MAOA: variants seen among roughly 807,000 people sequenced by gnomAD.
MAOA encodes amine oxidase [flavin-containing] A.
Under a neutral mutation model 42.0 loss-of-function variants are expected in MAOA, and 6 were observed. The observed-to-expected ratio is 0.14, with a 90% CI of 0.08 to 0.28. MAOA has a LOEUF of 0.28. MAOA is among the 10% of genes least tolerant of loss of function. The probability of loss-of-function intolerance (pLI) is 1.00; values close to 1 mark genes in which losing one functional copy is unlikely to be tolerated. For synonymous variants in MAOA, 140 were observed against 154.0 expected, an observed-to-expected ratio of 0.91 and a Z score of 0.67; for missense variants, 262 against 422.3, an observed-to-expected ratio of 0.62 and a Z score of 3.33.
At chrX:43,725,476 G>A (rs920754903) in intron 5 of MAOA, among the ~76,000 whole-genome samples, 1 of 110,842 alleles carries the variant, frequency 9.0e-6, no homozygotes, top group African/African-American at 3.3e-5. Context: ...TTTTATCAGA[G>A]ACTAAGATTA....
intron 1 of MAOA, among the ~76,000 whole-genome samples, chrX:43,667,874 G>A (rs2033296121): frequency 9.0e-6 from 1 of 111,727 alleles, no homozygotes; most frequent in Non-Finnish European, 1.9e-5. Context: ...TATATACAGG[G>A]AATCTCAACT....
At chrX:43,665,022 A>T (rs958121317) in intron 1 of MAOA, among the ~76,000 whole-genome samples, 3 of 111,600 alleles carry the variant, frequency 2.7e-5, no homozygotes, top group Non-Finnish European at 5.7e-5. Context: ...GATGCATATC[A>T]AAGTTGAAGA....
At chrX:43,656,548 T>A in intron 1 of MAOA, 134 bp downstream of exon 1, 1 of 599,385 alleles carries the variant, frequency 1.7e-6, no homozygotes, top group Admixed American at 2.6e-5. Context: ...TGGCCCCATA[T>A]CCTGCGAGGT....
intron 2 of MAOA, among the ~76,000 whole-genome samples, chrX:43,692,508 A>C (rs2033544778): frequency 9.0e-6 from 1 of 110,725 alleles, no homozygotes; most frequent in South Asian, 3.8e-4. Flanking sequence ...TTTCAAGTGC[A>C]ATGAGTGGCA....
chrX:43,724,278 T>C (rs2033815132), intron 5 of MAOA, among the ~76,000 whole-genome samples: 1 of 111,765 alleles, frequency 8.9e-6, no homozygotes, highest in Non-Finnish European at 1.9e-5. Context: ...CTTGTACCTC[T>C]GGTAGAATTC....
chrX:43,676,145 A>G (rs755721472), intron 1 of MAOA, among the ~76,000 whole-genome samples: 2 of 112,150 alleles, frequency 1.8e-5, no homozygotes, highest in African/African-American at 3.2e-5. Flanking sequence ...AGCCTGGGCA[A>G]TGGCGGGTGC....
At chrX:43,743,314 C>T (rs1236144708) in intron 12 of MAOA, among the ~76,000 whole-genome samples, 2 of 111,118 alleles carry the variant, frequency 1.8e-5, no homozygotes, top group Non-Finnish European at 3.8e-5. Context: ...TCAGGTCTCT[C>T]CTTTGCCAGA....
chrX:43,686,147 C>T (rs2033485809), intron 2 of MAOA, among the ~76,000 whole-genome samples: 1 of 112,124 alleles, frequency 8.9e-6, no homozygotes, highest in Admixed American at 9.5e-5. Context: ...AATATTCCTC[C>T]ACTTTGGAGA....
chrX:43,709,926 G>A (rs186196387), intron 3 of MAOA, among the ~76,000 whole-genome samples: 1 of 112,019 alleles, frequency 8.9e-6, no homozygotes. Flanking sequence ...ACATTTCAAA[G>A]TTCTCTTTCT....
chrX:43,714,682 G>A (rs995322389), intron 5 of MAOA, among the ~76,000 whole-genome samples: 2 of 108,125 alleles, frequency 1.8e-5, no homozygotes, highest in African/African-American at 6.8e-5. Context: ...ACAGTGTTAG[G>A]GAGTGGGGAA....
At chrX:43,710,090 C>T (rs2033688621) in intron 3 of MAOA, among the ~76,000 whole-genome samples, 1 of 112,380 alleles carries the variant, frequency 8.9e-6, no homozygotes, top group Admixed American at 9.4e-5. Flanking sequence ...GCTACTGCCG[C>T]TGGGCTTTAG....
At position 43,735,924 on chromosome X, in the gene MAOA, T is replaced by C. The variant is rs781162596; in HGVS notation, c.1053-303T>C. 6.2e-5 allele frequency among the ~76,000 whole-genome samples: 7 copies of C among 113,091 alleles called. No homozygotes were observed. In the South Asian group the frequency reaches 2.2e-3, roughly 35 times the overall value. On this transcript the variant is annotated intron_variant, in intron 9 of 14. Coordinates refer to ENST00000338702, the MANE Select transcript of MAOA (RefSeq NM_000240.4). ...GCAACAGTCATTACCAGAATAATCA[T>C]TTAGCACAACATTCATTCATTCAAC...
At chrX:43,715,963 G>A (rs371175442) in intron 5 of MAOA, among the ~76,000 whole-genome samples, 1 of 109,859 alleles carries the variant, frequency 9.1e-6, no homozygotes, top group African/African-American at 3.3e-5. Context: ...TGAGCCACAC[G>A]GTTGGTGGCG....
intron 1 of MAOA, among the ~76,000 whole-genome samples, chrX:43,679,027 C>T (rs2033422601): frequency 9.0e-6 from 1 of 111,476 alleles, no homozygotes; most frequent in African/African-American, 3.3e-5. Flanking sequence ...TAACTTAAAC[C>T]TTAACCCTTC....
chrX:43,701,668 A>G (rs753264267), intron 3 of MAOA, among the ~76,000 whole-genome samples: 2 of 111,977 alleles, frequency 1.8e-5, no homozygotes, highest in South Asian at 7.5e-4. Context: ...TAAGTCAGAC[A>G]CAAAGGATTT....
chrX:43,741,044 G>C (rs1392051248), intron 11 of MAOA, among the ~76,000 whole-genome samples: 1 of 111,484 alleles, frequency 9.0e-6, no homozygotes, highest in Non-Finnish European at 1.9e-5. Context: ...TCCTAGAACA[G>C]AAGTCCTGCC....
At chrX:43,714,603 C>T (rs1276226192) in intron 5 of MAOA, among the ~76,000 whole-genome samples, 2 of 109,650 alleles carry the variant, frequency 1.8e-5, no homozygotes, top group African/African-American at 6.7e-5. Flanking sequence ...CAGAAATGAG[C>T]CACAAAGGCA....
chrX:43,740,452 T>C (rs2033951369), intron 10 of MAOA, among the ~76,000 whole-genome samples: 1 of 111,905 alleles, frequency 8.9e-6, no homozygotes, highest in South Asian at 3.7e-4. Flanking sequence ...AAAAGAATAA[T>C]TCCATTGAAT....
At position 43,742,065 on chromosome X, in the gene MAOA, C is replaced by T. The variant is rs372784589; in HGVS notation, c.1262+18C>T. 3.9e-5 allele frequency: 47 copies of T among 1,209,107 alleles called. No homozygotes were observed. The highest frequency in any genetic ancestry group is 2.3e-4 in the Middle Eastern group (1 of 4,349). On this transcript the variant is annotated intron_variant, in intron 12 of 14. Coordinates refer to ENST00000338702, the MANE Select transcript of MAOA (RefSeq NM_000240.4). The stretch of plus-strand genomic sequence containing the variant: ...TATGGAAGGTATTACGCAAGCACTA[C>T]GCCAATTAATCCAAGACCTGTGCCA...
Sources: allele counts gnomAD v4.1 joint callset (sites outside exome capture counted in the v4.1 genomes callset), GRCh38; gene constraint gnomAD v4.1.1; transcripts MANE v1.5; gene names NCBI Gene and HGNC (gene_info 2026-07-23, HGNC 2026-07-21).